The following KIFAP3 variants were observed in gnomAD, a reference collection of about 807,000 sequenced individuals.
The protein encoded by KIFAP3 is kinesin-associated protein 3.
A neutral mutation model predicts 106.5 loss-of-function variants in KIFAP3; 68 were observed. The observed-to-expected ratio is 0.64, with a 90% confidence interval of 0.53 to 0.78. The LOEUF (loss-of-function observed/expected upper bound fraction) is 0.78, where lower values mean the gene tolerates loss of function less well. KIFAP3 is among the 30% of genes least tolerant of loss of function. The pLI is 0.00. For synonymous variants in KIFAP3, 320 were observed against 311.5 expected, an observed-to-expected ratio of 1.03 and a Z score of -0.29; for missense variants, 780 against 941.8, an observed-to-expected ratio of 0.83 and a Z score of 2.25.
At chr1:170,041,788 GC>G in intron 3 of KIFAP3, 1 of 1,527,724 alleles carries the variant, frequency 6.5e-7, no homozygotes, top group Non-Finnish European at 8.8e-7. Flanking sequence ...TGATCTGTTG[GC>G]CTCCTTAAAG....
intron 19 of KIFAP3, among the ~76,000 whole-genome samples, chr1:169,928,164 A>C (rs1663248974): frequency 6.6e-6 from 1 of 150,628 alleles, no homozygotes; most frequent in Admixed American, 6.6e-5. Flanking sequence ...CAGTGGCGTG[A>C]TCTTGGCTCA....
At chr1:169,934,129 G>T (rs1663651703) in intron 19 of KIFAP3, among the ~76,000 whole-genome samples, 1 of 152,072 alleles carries the variant, frequency 6.6e-6, no homozygotes. Flanking sequence ...TAATGATCTA[G>T]ACAGTTAAGG....
chr1:169,957,230 A>T (rs16862843), intron 18 of KIFAP3, among the ~76,000 whole-genome samples: 3,053 of 152,320 alleles, frequency 0.02, 111 homozygotes, highest in African/African-American at 0.066. Flanking sequence ...ACAAGGAACT[A>T]AAGTATTTCA....
At chr1:169,928,356 C>T (rs1663262464) in intron 19 of KIFAP3, among the ~76,000 whole-genome samples, 1 of 152,058 alleles carries the variant, frequency 6.6e-6, no homozygotes, top group African/African-American at 2.4e-5. Flanking sequence ...TTTTGGCCTC[C>T]CAAAGTGCTG....
In KIFAP3 at chr1:169,954,041, T is replaced by A; in HGVS notation, c.2243A>T (p.Asp748Val). ...FFNDYHLQNG[D>V]VVGQHSFPGS... Reference sequence around the variant, plus strand: ...AGGAAATGAATGCTGCCCAACAACATCTCCATTTTGAAGGTGGTAATCATT... The same window carrying A: ...AGGAAATGAATGCTGCCCAACAACAACTCCATTTTGAAGGTGGTAATCATT... Residue 748 changes from aspartate (D) to valine (V), a missense_variant, in exon 19 of 20, where the codon GAT (aspartate) becomes GTT (valine). Coordinates refer to ENST00000361580, the MANE Select transcript of KIFAP3 (RefSeq NM_014970.4). 1.2e-6 allele frequency: 2 copies of A among 1,613,258 alleles called. No individual in the cohort carries two copies. The highest frequency in any genetic ancestry group is 1.3e-5 in the African/African-American group (1 of 74,928).
At chr1:170,024,705 T>A (rs1043314261) in intron 8 of KIFAP3, 109 bp from the exon 9 acceptor site, 1 of 604,346 alleles carries the variant, frequency 1.7e-6, no homozygotes, top group Non-Finnish European at 2.6e-6. Context: ...AAAGGTAATA[T>A]ATTATTTTGA....
chr1:170,030,364 C>T (rs867052396), intron 8 of KIFAP3, among the ~76,000 whole-genome samples: 4 of 151,888 alleles, frequency 2.6e-5, no homozygotes, highest in Middle Eastern at 3.4e-3. Context: ...AAATCAAAAC[C>T]ACATACATTC....
chr1:170,015,494 T>C (rs1571667918), intron 10 of KIFAP3, among the ~76,000 whole-genome samples: 1 of 152,180 alleles, frequency 6.6e-6, no homozygotes, highest in African/African-American at 2.4e-5. Flanking sequence ...AATAACATTG[T>C]TGTGCAGTAT....
intron 18 of KIFAP3, among the ~76,000 whole-genome samples, chr1:169,954,952 C>A (rs1322334539): frequency 2.0e-5 from 3 of 151,938 alleles, no homozygotes; most frequent in African/African-American, 7.3e-5. Context: ...ATCTAGATAA[C>A]CTATTTTTGA....
At chr1:169,942,735 C>T (rs1664199455) in intron 19 of KIFAP3, among the ~76,000 whole-genome samples, 1 of 152,186 alleles carries the variant, frequency 6.6e-6, no homozygotes, top group Non-Finnish European at 1.5e-5. Flanking sequence ...AATAAACCCT[C>T]TGGCTACTTC....
chr1:170,075,286 GTTCTCTGGTTTAAGATCTA>G (rs1467903280), upstream of KIFAP3, among the ~76,000 whole-genome samples: 1 of 152,196 alleles, frequency 6.6e-6, no homozygotes, highest in Non-Finnish European at 1.5e-5. Context: ...TTAACTGCAT[GTTCTCTGGTTTAAGATCTA>G]TTCCCATGGG....
chr1:169,927,299 G>A (rs2101770491), intron 19 of KIFAP3, among the ~76,000 whole-genome samples: 1 of 152,250 alleles, frequency 6.6e-6, no homozygotes, highest in Middle Eastern at 3.4e-3. Flanking sequence ...TTGACTATAA[G>A]GATTGGAGGC....
chr1:169,998,811 A>G (rs687195), intron 10 of KIFAP3, among the ~76,000 whole-genome samples: 142,613 of 152,240 alleles, frequency 0.94, 66,881 homozygotes, highest in East Asian at 1. Context: ...TATATAAACC[A>G]TATGTATCTT....
At chr1:169,981,918 T>A in intron 15 of KIFAP3, 54 bp downstream of exon 15, 1 of 1,394,648 alleles carries the variant, frequency 7.2e-7, no homozygotes, top group Non-Finnish European at 9.9e-7. Context: ...ATTTAAATAT[T>A]TAAATCAATA....
intron 19 of KIFAP3, among the ~76,000 whole-genome samples, chr1:169,929,663 T>C (rs964029988): frequency 4.6e-5 from 7 of 152,146 alleles, no homozygotes; most frequent in Admixed American, 1.3e-4. Context: ...CTTAATCTTT[T>C]ATATGCATAA....
At chr1:169,998,319 C>T (rs1229318718) in intron 10 of KIFAP3, among the ~76,000 whole-genome samples, 2 of 151,390 alleles carry the variant, frequency 1.3e-5, no homozygotes, top group African/African-American at 2.4e-5. Context: ...GAGGTGTTTT[C>T]CCCATGTTTT....
intron 1 of KIFAP3, among the ~76,000 whole-genome samples, chr1:170,072,731 C>A (rs570127600): frequency 6.6e-6 from 1 of 151,886 alleles, no homozygotes; most frequent in East Asian, 1.9e-4. Context: ...GGTCAAAAAA[C>A]AATAATTAAA....
rs1408967510 is a variant in KIFAP3 at position 169,962,087 on chromosome 1, TTAAAG to T, written c.1984-857_1984-853del. 5.9e-5 allele frequency among the ~76,000 whole-genome samples: 9 copies of T among 152,184 alleles called. No individual in the cohort carries two copies. In the East Asian group the frequency reaches 1.5e-3, roughly 26 times the overall value. ...CTAGATAACACTGGGGGAAGTACTG[TTAAAG>T]TATTGTTTTAGCTGCTAAAATGGTT... On this transcript the variant is annotated intron_variant, in intron 17 of 19. Coordinates refer to ENST00000361580, the MANE Select transcript of KIFAP3 (RefSeq NM_014970.4).
intron 1 of KIFAP3, 90 bp from the exon 2 acceptor site, chr1:170,055,526 G>T: frequency 2.1e-6 from 2 of 948,098 alleles, no homozygotes; most frequent in East Asian, 2.7e-5. Context: ...AACGTGGGTT[G>T]GATTAACATG....
Sources: gnomAD v4.1 joint callset for allele counts (sites outside exome capture counted in the v4.1 genomes callset) on GRCh38, gnomAD v4.1.1 for gene constraint, MANE v1.5 for transcripts, NCBI Gene and HGNC (gene_info 2026-07-23, HGNC 2026-07-21) for gene names.